The following HS6ST3 variants were observed in gnomAD, a reference collection of about 807,000 sequenced individuals.
HS6ST3 encodes heparan sulfate 6-O-sulfotransferase 3.
HS6ST3 carries 12 observed loss-of-function variants against 36.7 expected under a neutral mutation model. The observed-to-expected ratio is 0.33, with a 90% CI of 0.21 to 0.53. The LOEUF (loss-of-function observed/expected upper bound fraction) is 0.53, where lower values mean the gene tolerates loss of function less well. HS6ST3 is among the 20% of genes least tolerant of loss of function. HS6ST3 has a pLI of 0.95. For missense variants in HS6ST3, 584 were observed against 640.9 expected, an observed-to-expected ratio of 0.91 and a Z score of 0.96; for synonymous variants, 240 against 257.5, an observed-to-expected ratio of 0.93 and a Z score of 0.65.
At chr13:96,464,215 C>T (rs2055800980) in intron 1 of HS6ST3, among the ~76,000 whole-genome samples, 1 of 147,162 alleles carries the variant, frequency 6.8e-6, no homozygotes, top group South Asian at 2.2e-4. Context: ...ATGCCAAACC[C>T]CTCATCATGA....
chr13:96,374,743 T>A (rs1359916437), intron 1 of HS6ST3, among the ~76,000 whole-genome samples: 1 of 152,118 alleles, frequency 6.6e-6, no homozygotes, highest in Non-Finnish European at 1.5e-5. Flanking sequence ...GAGTTCTGAC[T>A]TCCTGCCTCA....
intron 1 of HS6ST3, among the ~76,000 whole-genome samples, chr13:96,137,917 T>G (rs774847990): frequency 2.0e-5 from 3 of 152,198 alleles, no homozygotes; most frequent in Non-Finnish European, 4.4e-5. Context: ...CTATTTTTAT[T>G]GAAAGAAACA....
At chr13:96,380,372 T>C (rs1305216821) in intron 1 of HS6ST3, among the ~76,000 whole-genome samples, 1 of 151,966 alleles carries the variant, frequency 6.6e-6, no homozygotes, top group Admixed American at 6.6e-5. Flanking sequence ...TTCAAGTGAT[T>C]CTCCTGCCTC....
chr13:96,619,840 A>C (rs911280312), intron 1 of HS6ST3, among the ~76,000 whole-genome samples: 2 of 152,148 alleles, frequency 1.3e-5, no homozygotes, highest in African/African-American at 4.8e-5. Context: ...CTTTTTGGGT[A>C]GGTTGGACAA....
chr13:96,511,151 T>C (rs1328612706), intron 1 of HS6ST3, among the ~76,000 whole-genome samples: 1 of 152,184 alleles, frequency 6.6e-6, no homozygotes, highest in African/African-American at 2.4e-5. Context: ...TTTTATCTTT[T>C]CAGCACTGTG....
At chr13:96,161,347 T>G (rs1447231154) in intron 1 of HS6ST3, among the ~76,000 whole-genome samples, 1 of 151,998 alleles carries the variant, frequency 6.6e-6, no homozygotes, top group Non-Finnish European at 1.5e-5. Context: ...TCTTGACAAG[T>G]GAATGGGACG....
intron 1 of HS6ST3, among the ~76,000 whole-genome samples, chr13:96,526,643 AAAAC>A: frequency 6.6e-6 from 1 of 152,226 alleles, no homozygotes; most frequent in Admixed American, 6.5e-5. Flanking sequence ...CCATTTTAGC[AAAAC>A]TTAGGGTATT....
At chr13:96,115,626 A>G (rs1007290568) in intron 1 of HS6ST3, among the ~76,000 whole-genome samples, 1 of 151,980 alleles carries the variant, frequency 6.6e-6, no homozygotes, top group African/African-American at 2.4e-5. Flanking sequence ...TATGTGTCAC[A>G]TTTTCTTTAT....
At chr13:96,408,087 G>A (rs1011571743) in intron 1 of HS6ST3, among the ~76,000 whole-genome samples, 2 of 152,098 alleles carry the variant, frequency 1.3e-5, no homozygotes, top group Admixed American at 6.5e-5. Context: ...CTATATGTGT[G>A]CACCACCATG....
intron 1 of HS6ST3, among the ~76,000 whole-genome samples, chr13:96,230,033 T>A (rs534641996): frequency 6.6e-6 from 1 of 152,286 alleles, no homozygotes; most frequent in East Asian, 1.9e-4. Flanking sequence ...TAACTCAGGT[T>A]AGAGCATGGG....
chr13:96,730,630 C>T (rs915497410), intron 1 of HS6ST3, among the ~76,000 whole-genome samples: 2 of 152,138 alleles, frequency 1.3e-5, no homozygotes, highest in Admixed American at 6.5e-5. Flanking sequence ...TACAGTGGCA[C>T]GATCATTGCT....
chr13:96,754,934 A>G (rs893749571), intron 1 of HS6ST3, among the ~76,000 whole-genome samples: 3 of 152,068 alleles, frequency 2.0e-5, no homozygotes, highest in Non-Finnish European at 4.4e-5. Context: ...CCATGTCTAA[A>G]TCTGTAATTT....
In HS6ST3 at chr13:96,539,448, C is replaced by T. The variant is rs113206660; in HGVS notation, c.708-293042C>T. On this transcript the variant is annotated intron_variant, in intron 1 of 1. Transcript: ENST00000376705. ...TCCACTCACTGCAACCTCTGCCTCT[C>T]GGGTTCAAGTGATTTTCCTGCTTCA... Among the ~76,000 whole-genome samples the T allele has an allele frequency of 4.7e-3, 714 of 152,062 alleles. 5 individuals carry two copies. The highest frequency in any genetic ancestry group is 0.014 in the African/African-American group (587 of 41,466).
At chr13:96,319,486 A>T (rs1031572384) in intron 1 of HS6ST3, among the ~76,000 whole-genome samples, 1 of 152,160 alleles carries the variant, frequency 6.6e-6, no homozygotes, top group Non-Finnish European at 1.5e-5. Context: ...CATATTTTTT[A>T]AAATTTCTCT....
intron 1 of HS6ST3, among the ~76,000 whole-genome samples, chr13:96,129,405 C>T (rs1407845988): frequency 6.6e-6 from 1 of 152,184 alleles, no homozygotes; most frequent in African/African-American, 2.4e-5. Flanking sequence ...GTGGAACCTG[C>T]AGCATAGTTT....
rs746437628 is a variant in HS6ST3, at chr13:96,832,535, C to T, written c.753C>T (p.Tyr251=). The T allele has an allele frequency of 6.2e-7, 1 of 1,605,724 alleles. No homozygotes were observed. Among genetic ancestry groups the T allele is most frequent in the Admixed American group, 1.7e-5 (1 of 58,460 alleles). The part of the protein sequence containing the change: ...ITMLRDPVSR[Y]LSEWKHVQRG... ...TGTTACGGGATCCAGTGTCACGTTA[C>T]CTGAGCGAGTGGAAACATGTCCAGA... The change falls in exon 2 of 2, where the codon TAC becomes TAT. Residue 251 remains tyrosine (Y), a synonymous_variant. Coordinates refer to ENST00000376705, the MANE Select transcript of HS6ST3 (RefSeq NM_153456.4).
At chr13:96,765,588 T>TCTCTCTCTCTCTCTC (rs1877089470) in intron 1 of HS6ST3, among the ~76,000 whole-genome samples, 3 of 142,594 alleles carry the variant, frequency 2.1e-5, no homozygotes, top group Non-Finnish European at 3.1e-5. Context: ...CTCTCTCTCT[T>TCTCTCTCTCTCTCTC]TCTCTCTCTC....
chr13:96,718,264 A>T (rs1298711868), intron 1 of HS6ST3, among the ~76,000 whole-genome samples: 1 of 152,208 alleles, frequency 6.6e-6, no homozygotes, highest in East Asian at 1.9e-4. Flanking sequence ...GTTTCTCACC[A>T]CATATTTCTA....
chr13:96,271,830 T>C (rs1246097976), intron 1 of HS6ST3, among the ~76,000 whole-genome samples: 3 of 151,946 alleles, frequency 2.0e-5, no homozygotes, highest in Non-Finnish European at 2.9e-5. Flanking sequence ...ACACCTCTCA[T>C]TGGATAACTC....
Sources: allele counts gnomAD v4.1 joint callset (sites outside exome capture counted in the v4.1 genomes callset), GRCh38; gene constraint gnomAD v4.1.1; transcripts MANE v1.5; gene names NCBI Gene and HGNC (gene_info 2026-07-23, HGNC 2026-07-21).